Variants in GPC5 observed in about 807,000 individuals in gnomAD.
GPC5 encodes the protein glypican 5, also known as glypican-5.
In GPC5, 47 loss-of-function variants were observed where a neutral mutation model predicts 53.9. The observed-to-expected ratio is 0.87, with a 90% confidence interval of 0.69 to 1.11. The LOEUF (loss-of-function observed/expected upper bound fraction) is 1.11. Ranked by LOEUF, GPC5 falls within the 50% of genes most tolerant of loss-of-function variation. GPC5 has a pLI of 0.00. For synonymous variants in GPC5, 286 were observed against 263.3 expected, an observed-to-expected ratio of 1.09 and a Z score of -0.84; for missense variants, 748 against 713.1, an observed-to-expected ratio of 1.05 and a Z score of -0.56.
At position 91,452,317 on chromosome 13, in the gene GPC5, A is replaced by G. The variant is rs13378776; in HGVS notation, c.325+3395A>G. Among the ~76,000 whole-genome samples the G allele has an allele frequency of 4.3e-3, 661 of 152,166 alleles. 4 individuals carry two copies. The highest frequency in any genetic ancestry group is 0.015 in the African/African-American group (642 of 41,538). Reference sequence around the variant, plus strand: ...GTTTTTAGAAGGACTCATGATTATGACCTGGGACTTCACTATATTCTAAGG... The same window carrying G: ...GTTTTTAGAAGGACTCATGATTATGGCCTGGGACTTCACTATATTCTAAGG... On this transcript the variant is annotated intron_variant, in intron 2 of 7. Transcript: ENST00000377067.
chr13:92,672,630 C>A (rs1441955366), intron 7 of GPC5, among the ~76,000 whole-genome samples: 14 of 152,078 alleles, frequency 9.2e-5, no homozygotes, highest in Admixed American at 8.5e-4. Context: ...ATAGAACCAA[C>A]CAAAATGGAA....
chr13:92,639,256 T>C (rs1413311748), intron 7 of GPC5, among the ~76,000 whole-genome samples: 1 of 152,212 alleles, frequency 6.6e-6, no homozygotes, highest in African/African-American at 2.4e-5. Flanking sequence ...TTTTATCCAT[T>C]ATAATCTTAT....
intron 7 of GPC5, among the ~76,000 whole-genome samples, chr13:92,357,573 A>G (rs1455655270): frequency 6.6e-6 from 1 of 151,686 alleles, no homozygotes. Context: ...TCATTGCTAT[A>G]AAGAACTACC....
rs916226798 is a variant in GPC5, at chr13:91,637,613, C to T, written c.326-55574C>T. ...TGAAAATAGGGACGAACAGGAGAAACGGCTTAAAAAGAGCTGGGAAACCCT... is the reference window on the plus strand; with the variant it reads ...TGAAAATAGGGACGAACAGGAGAAATGGCTTAAAAAGAGCTGGGAAACCCT... On this transcript the variant is annotated intron_variant, in intron 2 of 7. Coordinates refer to ENST00000377067, the MANE Select transcript of GPC5 (RefSeq NM_004466.6). 6.6e-5 allele frequency among the ~76,000 whole-genome samples: 10 copies of T among 152,100 alleles called. No individual in the cohort carries two copies. The East Asian group carries it at 1.2e-3, about 18-fold the overall frequency.
intron 7 of GPC5, chr13:92,180,765 C>T (rs1436689876): frequency 3.0e-5 from 6 of 199,880 alleles, no homozygotes; most frequent in South Asian, 8.7e-5. Flanking sequence ...TTCATGACAC[C>T]GTTCACCACT....
At chr13:92,563,625 C>A (rs1227007658) in intron 7 of GPC5, among the ~76,000 whole-genome samples, 5 of 151,874 alleles carry the variant, frequency 3.3e-5, no homozygotes, top group Non-Finnish European at 4.4e-5. Flanking sequence ...TATCAAAAGA[C>A]AAAGTAAGAT....
At chr13:92,782,563 G>A (rs968394015) in intron 7 of GPC5, among the ~76,000 whole-genome samples, 1 of 152,156 alleles carries the variant, frequency 6.6e-6, no homozygotes. Context: ...TGTGAGCGGA[G>A]CAGAGAAGAA....
At chr13:91,480,064 C>T (rs1883218247) in intron 2 of GPC5, among the ~76,000 whole-genome samples, 1 of 152,060 alleles carries the variant, frequency 6.6e-6, no homozygotes, top group Non-Finnish European at 1.5e-5. Flanking sequence ...AATCTCTGTG[C>T]TTTTGTTGGG....
intron 7 of GPC5, among the ~76,000 whole-genome samples, chr13:92,303,252 A>G (rs2043087527): frequency 6.6e-6 from 1 of 152,118 alleles, no homozygotes; most frequent in Admixed American, 6.6e-5. Flanking sequence ...AGAGGCAAAA[A>G]GCACTATGCC....
chr13:92,094,806 C>T (rs1015526088), intron 6 of GPC5, among the ~76,000 whole-genome samples: 3 of 150,844 alleles, frequency 2.0e-5, no homozygotes, highest in Non-Finnish European at 2.9e-5. Flanking sequence ...TTCTTTTGTT[C>T]ACATATTGCT....
rs575677907 is a variant in GPC5 at position 92,576,014 on chromosome 13, G to GC, written c.1562-290263dup. On this transcript the variant is annotated intron_variant, in intron 7 of 7. Transcript: ENST00000377067. The stretch of plus-strand genomic sequence containing the variant: ...GACAACTTCTTACTCAGCTTCAATG[G>GC]CCCCCATGCCATCTCAGTCATAAAG... Among the ~76,000 whole-genome samples the GC allele has an allele frequency of 1.3e-3, 192 of 152,138 alleles. 1 individual carries two copies. Among genetic ancestry groups the GC allele is most frequent in the African/African-American group, 4.5e-3 (187 of 41,504 alleles).
intron 2 of GPC5, among the ~76,000 whole-genome samples, chr13:91,661,360 A>G (rs1161226239): frequency 6.6e-6 from 1 of 152,238 alleles, no homozygotes; most frequent in Non-Finnish European, 1.5e-5. Context: ...GGGAATTTTC[A>G]GGCCCTCATT....
chr13:92,554,508 C>T (rs1282328485), intron 7 of GPC5, among the ~76,000 whole-genome samples: 1 of 149,990 alleles, frequency 6.7e-6, no homozygotes, highest in Admixed American at 6.7e-5. Flanking sequence ...TTAAAAAAAA[C>T]ATAATAATCC....
At chr13:92,073,391 T>G (rs966712240) in intron 6 of GPC5, among the ~76,000 whole-genome samples, 2 of 152,230 alleles carry the variant, frequency 1.3e-5, no homozygotes, top group Non-Finnish European at 2.9e-5. Context: ...AAGCATCATT[T>G]TATATACAGA....
rs573533988 is a variant in GPC5, at chr13:92,115,285, G to A, written c.1402-29545G>A. 8.1e-4 allele frequency among the ~76,000 whole-genome samples: 123 copies of A among 152,328 alleles called. 1 individual carries two copies. In the Middle Eastern group the frequency reaches 0.031, roughly 38 times the overall value. ...ACACTTCGGGAGGCCGAGGTGGGTA[G>A]ATTATGAGGTCAAGAGATCGAGACC... On this transcript the variant is annotated intron_variant, in intron 6 of 7. Transcript: ENST00000377067.
At chr13:92,352,408 TATC>T (rs1028870439) in intron 7 of GPC5, among the ~76,000 whole-genome samples, 29 of 152,184 alleles carry the variant, frequency 1.9e-4, no homozygotes, top group Non-Finnish European at 1.5e-5. Context: ...CTTAAAATGT[TATC>T]ATAAACTAAG....
rs1566560027 is a variant in GPC5 at position 91,621,757 on chromosome 13, AACATTAT to A, written c.326-71428_326-71422del. On this transcript the variant is annotated intron_variant, in intron 2 of 7. Coordinates refer to ENST00000377067, the MANE Select transcript of GPC5 (RefSeq NM_004466.6). ...TAGTCAGGGTTCTCTAAAGGGACAG[AACATTAT>A]ATATATATATATATATATATATATA... Among the ~76,000 whole-genome samples the A allele has an allele frequency of 2.1e-4, 2 of 9,336 alleles. 1 individual carries two copies. The highest frequency in any genetic ancestry group is 3.9e-4 in the African/African-American group (2 of 5,070). The allele number at this position is 9,336 out of a possible 152,430, so 6.1% of individuals were successfully genotyped here.
At chr13:91,907,893 C>T (rs574701648) in intron 5 of GPC5, 44 bp from the exon 6 acceptor site, 4 of 1,583,426 alleles carry the variant, frequency 2.5e-6, no homozygotes, top group African/African-American at 1.4e-5. Context: ...CAGATAATAC[C>T]CTGATCAGGT....
chr13:91,822,944 G>T (rs1026666783), intron 5 of GPC5, among the ~76,000 whole-genome samples: 5 of 151,982 alleles, frequency 3.3e-5, no homozygotes, highest in African/African-American at 1.2e-4. Flanking sequence ...CTGTGCCTGT[G>T]AATTTTGCTT....
Sources: gnomAD v4.1 joint callset for allele counts (sites outside exome capture counted in the v4.1 genomes callset) on GRCh38, gnomAD v4.1.1 for gene constraint, MANE v1.5 for transcripts, NCBI Gene and HGNC (gene_info 2026-07-23, HGNC 2026-07-21) for gene names.